LRRC36: variants seen among roughly 807,000 people sequenced by gnomAD.
LRRC36 encodes leucine rich repeat containing 36.
A neutral mutation model predicts 81.1 loss-of-function variants in LRRC36; 62 were observed. The observed-to-expected ratio is 0.76, with a 90% confidence interval of 0.62 to 0.94. The LOEUF (loss-of-function observed/expected upper bound fraction) is 0.94. Ranked by LOEUF, LRRC36 falls within the 40% of genes least tolerant of loss-of-function variation. The pLI, the probability that LRRC36 is intolerant of heterozygous loss-of-function variation, is 0.00. For missense variants in LRRC36, 761 were observed against 881.7 expected, an observed-to-expected ratio of 0.86 and a Z score of 1.73; for synonymous variants, 334 against 348.6, an observed-to-expected ratio of 0.96 and a Z score of 0.47.
intron 2 of LRRC36, among the ~76,000 whole-genome samples, chr16:67,343,222 C>G (rs1000636988): frequency 6.6e-6 from 1 of 151,718 alleles, no homozygotes; most frequent in African/African-American, 2.4e-5. Flanking sequence ...TGTTTTTATA[C>G]TTCCTTTCTT....
Position 67,363,665 on chromosome 16 carries a change from G to A in LRRC36, c.653G>A (p.Gly218Asp). The A allele has an allele frequency of 6.2e-7, 1 of 1,613,928 alleles. No homozygotes were observed. Among genetic ancestry groups the A allele is most frequent in the Non-Finnish European group, 8.5e-7 (1 of 1,179,838 alleles). Residue 218 changes from glycine to aspartate, a missense_variant, in exon 6 of 14, where the codon GGC (glycine) becomes GAC (aspartate). Gly to Asp is a moderately conservative substitution (Grantham distance 94, BLOSUM62 -1). This residue lies in a region of LRRC36 where 263 missense variants were observed against 279.3 expected (regional missense o/e 0.94). Transcript: ENST00000329956. ...KDSLSTSATQGNGTRDQKLDT... is the reference protein window; with the variant it reads ...KDSLSTSATQDNGTRDQKLDT... ...TCCCTAAGTACTTCTGCAACTCAGGGCAATGGTACACGTGATCAGAAATTA... is the reference window on the plus strand; with the variant it reads ...TCCCTAAGTACTTCTGCAACTCAGGACAATGGTACACGTGATCAGAAATTA...
chr16:67,326,829 C>A lies in LRRC36; in HGVS notation c.-34C>A. 1 of 1,405,450 alleles carries A rather than the reference C, an allele frequency of 7.1e-7. No homozygotes were observed. Among genetic ancestry groups the A allele is most frequent in the South Asian group, 1.6e-5 (1 of 60,758 alleles). 87.1% of individuals were successfully genotyped at this position (1,405,450 alleles called of 1,614,324 possible). A position where few individuals can be genotyped will look rare whatever the true frequency, so the allele number is the denominator to read the frequency against. On this transcript the variant is annotated 5_prime_UTR_variant, in exon 1 of 14. Coordinates refer to ENST00000329956, the MANE Select transcript of LRRC36 (RefSeq NM_018296.6). ...CGGGGCCTGGCGTGCGCCGGGTGGT[C>A]TCGCGGGCGGTGGCAGGTGAGCGGC... is the stretch of plus-strand genomic sequence containing the variant.
intron 9 of LRRC36, chr16:67,371,514 T>C: frequency 2.1e-6 from 1 of 470,740 alleles, no homozygotes; most frequent in Non-Finnish European, 3.9e-6. Flanking sequence ...CTGTAGCATC[T>C]ATGTTTACAG....
chr16:67,363,901 CCTCT>C (rs896605137), intron 6 of LRRC36, among the ~76,000 whole-genome samples, 187 bp downstream of exon 6: 1 of 152,058 alleles, frequency 6.6e-6, no homozygotes. Context: ...CTCCCATTTC[CCTCT>C]CTCTCACACT....
At position 67,346,498 on chromosome 16, in the gene LRRC36, G is replaced by C. The variant is rs779097764; in HGVS notation, c.391+50G>C. 3.1e-6 allele frequency: 4 copies of C among 1,295,844 alleles called. No individual in the cohort carries two copies. In the East Asian group the frequency reaches 7.1e-5, roughly 23 times the overall value. 80.3% of individuals were successfully genotyped at this position (1,295,844 alleles called of 1,614,324 possible). A position where few individuals can be genotyped will look rare whatever the true frequency, so the allele number is the denominator to read the frequency against. ...GTCCACAGAATCTTACTTTAAATCAGCTGCCCCTTAACCTTTTGGATGTTG... is the reference window on the plus strand; with the variant it reads ...GTCCACAGAATCTTACTTTAAATCACCTGCCCCTTAACCTTTTGGATGTTG... On this transcript the variant is annotated intron_variant, in intron 3 of 13. Transcript: ENST00000329956.
chr16:67,349,710 G>A (rs528470718), intron 4 of LRRC36, among the ~76,000 whole-genome samples: 1 of 151,946 alleles, frequency 6.6e-6, no homozygotes, highest in African/African-American at 2.4e-5. Context: ...ATATTTCCCA[G>A]TATAAATATT....
Position 67,371,160 on chromosome 16 carries a change from C to T in LRRC36, c.1412C>T (p.Ser471Leu), listed in dbSNP as rs771425236. Reference protein sequence around the residue: ...KIFTKRSLSPSKRGFKWKDNI... With the variant: ...KIFTKRSLSPLKRGFKWKDNI... The stretch of plus-strand genomic sequence containing the variant: ...TTTACCAAGAGGTCACTAAGCCCAT[C>T]GAAGAGAGGATTCAAATGGAAGGAC... Residue 471 changes from serine (S) to leucine (L), a missense_variant, in exon 9 of 14, where the codon TCG (serine) becomes TTG (leucine). Physicochemically the swap from Ser to Leu is moderately radical, Grantham distance 145. Around this residue, in one of 3 missense-constraint regions of LRRC36, gnomAD observed 359 missense variants for 388.4 expected, o/e 0.92. Transcript: ENST00000329956. 6 of 1,613,988 alleles carry T rather than the reference C, an allele frequency of 3.7e-6. No individual in the cohort carries two copies. Among genetic ancestry groups the T allele is most frequent in the East Asian group, 2.2e-5 (1 of 44,902 alleles).
intron 1 of LRRC36, among the ~76,000 whole-genome samples, chr16:67,333,914 C>G (rs1597421338): frequency 6.6e-6 from 1 of 152,002 alleles, no homozygotes; most frequent in East Asian, 1.9e-4. Context: ...ATTTATGAAC[C>G]AATATTGATG....
At chr16:67,376,573 C>T (rs920997099) in intron 10 of LRRC36, among the ~76,000 whole-genome samples, 154 bp from the exon 11 acceptor site, 1 of 152,204 alleles carries the variant, frequency 6.6e-6, no homozygotes, top group African/African-American at 2.4e-5. Flanking sequence ...TTCTTGTCCT[C>T]TTAAAAACAC....
chr16:67,353,742 C>T (rs2038766313), intron 5 of LRRC36, among the ~76,000 whole-genome samples: 1 of 152,154 alleles, frequency 6.6e-6, no homozygotes, highest in Admixed American at 6.5e-5. Flanking sequence ...TCACAACAAC[C>T]TTGAAGGTGG....
At chr16:67,336,262 C>G (rs1007673764) in intron 1 of LRRC36, among the ~76,000 whole-genome samples, 3 of 152,160 alleles carry the variant, frequency 2.0e-5, no homozygotes, top group African/African-American at 7.2e-5. Context: ...CTTGGTTGCT[C>G]CCAAGTTTTG....
chr16:67,371,528 C>T (rs2039641566), intron 9 of LRRC36: 2 of 435,826 alleles, frequency 4.6e-6, no homozygotes, highest in Admixed American at 3.4e-5. Flanking sequence ...TTTACAGTCT[C>T]ATCATATTTA....
In LRRC36 at chr16:67,341,007, G is replaced by GTACTACATA. The variant is rs1567470173; in HGVS notation, c.71-948_71-947insCTACATATA. On this transcript the variant is annotated intron_variant, in intron 1 of 13. Coordinates refer to ENST00000329956, the MANE Select transcript of LRRC36 (RefSeq NM_018296.6). ...AATATGTATATTATATATAGAATATGTATTCTATAGAATATGTACTCTACA... is the reference window on the plus strand; with the variant it reads ...AATATGTATATTATATATAGAATATGTACTACATATATTCTATAGAATATGTACTCTACA... Among the ~76,000 whole-genome samples the GTACTACATA allele has an allele frequency of 6.8e-4, 51 of 75,470 alleles. 1 individual carries two copies. Among genetic ancestry groups the GTACTACATA allele is most frequent in the African/African-American group, 3.3e-3 (24 of 7,342 alleles). 49.5% of individuals were successfully genotyped at this position (75,470 alleles called of 152,430 possible). A position where few individuals can be genotyped will look rare whatever the true frequency, so the allele number is the denominator to read the frequency against.
At chr16:67,344,686 A>C (rs1324915890) in intron 2 of LRRC36, among the ~76,000 whole-genome samples, 2 of 152,174 alleles carry the variant, frequency 1.3e-5, no homozygotes, top group Non-Finnish European at 2.9e-5. Flanking sequence ...GGCCAAGGGC[A>C]CTGATAGCTA....
chr16:67,362,926 C>T (rs768172936), intron 5 of LRRC36, among the ~76,000 whole-genome samples: 21 of 152,108 alleles, frequency 1.4e-4, no homozygotes, highest in East Asian at 7.7e-4. Context: ...TATAGGCGCG[C>T]GCCACCACTC....
Position 67,371,175 on chromosome 16 carries a change from A to C in LRRC36, c.1427A>C (p.Lys476Thr). The change falls in exon 9 of 14, where the codon AAA (lysine) becomes ACA (threonine). Residue 476 changes from lysine to threonine, a missense_variant. By Grantham distance (78) the Lys-to-Thr change is moderately conservative. Around this residue, in one of 3 missense-constraint regions of LRRC36, gnomAD observed 359 missense variants for 388.4 expected, o/e 0.92. Coordinates refer to ENST00000329956, the MANE Select transcript of LRRC36 (RefSeq NM_018296.6). ...CTAAGCCCATCGAAGAGAGGATTCA[A>C]ATGGAAGGACAATATCCTTGCCAAC... ...RSLSPSKRGF[K>T]WKDNILANLN... is the part of the protein sequence containing the mutation. 1 of 1,614,230 alleles carries C rather than the reference A, an allele frequency of 6.2e-7. No individual in the cohort carries two copies. Among genetic ancestry groups the C allele is most frequent in the Non-Finnish European group, 8.5e-7 (1 of 1,180,034 alleles).
At chr16:67,354,334 G>A (rs549612305) in intron 5 of LRRC36, among the ~76,000 whole-genome samples, 1 of 152,160 alleles carries the variant, frequency 6.6e-6, no homozygotes, top group Non-Finnish European at 1.5e-5. Flanking sequence ...CTGGAGTGCA[G>A]TGGCGTCATC....
At chr16:67,358,992 T>C (rs2039030947) in intron 5 of LRRC36, among the ~76,000 whole-genome samples, 2 of 152,190 alleles carry the variant, frequency 1.3e-5, no homozygotes, top group African/African-American at 2.4e-5. Context: ...AAATAAGATA[T>C]GTTTTGCAAT....
At chr16:67,366,870 A>G in intron 7 of LRRC36, 147 bp from the exon 8 acceptor site, 2 of 631,706 alleles carry the variant, frequency 3.2e-6, no homozygotes, top group Non-Finnish European at 5.5e-6. Context: ...TCATCACTTT[A>G]TGCTACCATT....
Sources: gnomAD v4.1 joint callset for allele counts (sites outside exome capture counted in the v4.1 genomes callset) on GRCh38, gnomAD v4.1.1 for gene constraint, gnomAD v4.1.1 regional missense constraint, MANE v1.5 for transcripts, NCBI Gene and HGNC (gene_info 2026-07-23, HGNC 2026-07-21) for gene names.